Variants in AGBL1 observed in about 807,000 individuals in gnomAD.
AGBL1 encodes AGBL carboxypeptidase 1.
AGBL1 carries 130 observed loss-of-function variants against 118.9 expected under a neutral mutation model. The observed-to-expected ratio is 1.09, with a 90% CI of 0.95 to 1.26. AGBL1 has a LOEUF of 1.26. Among genes scored for constraint, AGBL1 ranks in the 50% most tolerant of loss-of-function variants. The pLI is 0.00. For missense variants in AGBL1, 1,584 were observed against 1,298.1 expected, an observed-to-expected ratio of 1.22 and a Z score of -3.38; for synonymous variants, 555 against 478.9, an observed-to-expected ratio of 1.16 and a Z score of -2.08.
intron 23 of AGBL1, among the ~76,000 whole-genome samples, chr15:86,956,013 G>A (rs948206160): frequency 2.0e-5 from 3 of 152,012 alleles, no homozygotes; most frequent in Non-Finnish European, 4.4e-5. Context: ...TCAAATCTGG[G>A]TAAATAGAGC....
At chr15:86,802,526 C>T (rs190889148) in intron 22 of AGBL1, among the ~76,000 whole-genome samples, 3 of 152,188 alleles carry the variant, frequency 2.0e-5, no homozygotes, top group East Asian at 3.9e-4. Context: ...TATAATTCTA[C>T]CCTCTTTATT....
chr15:86,889,860 A>T (rs1411296216), intron 22 of AGBL1, among the ~76,000 whole-genome samples: 1 of 152,192 alleles, frequency 6.6e-6, no homozygotes, highest in Non-Finnish European at 1.5e-5. Flanking sequence ...GAACATACAT[A>T]TGCATGTATC....
intron 21 of AGBL1, among the ~76,000 whole-genome samples, chr15:86,653,850 T>C (rs2085418606): frequency 6.6e-6 from 1 of 152,118 alleles, no homozygotes; most frequent in Admixed American, 6.6e-5. Flanking sequence ...AGAGACCAAA[T>C]ACAGCACAAC....
At chr15:86,874,367 A>G (rs2079774241) in intron 22 of AGBL1, among the ~76,000 whole-genome samples, 1 of 136,314 alleles carries the variant, frequency 7.3e-6, no homozygotes, top group African/African-American at 2.8e-5. Flanking sequence ...CTGCCCCAAG[A>G]TTGTTGTGGG....
In AGBL1 at chr15:86,079,895, C is replaced by T. The variant is rs1262021940; in HGVS notation, c.-78C>T. 14 of 1,098,582 alleles carry T rather than the reference C, an allele frequency of 1.3e-5. No homozygotes were observed. Among genetic ancestry groups the T allele is most frequent in the African/African-American group, 9.6e-5 (6 of 62,368 alleles). 68.1% of individuals were successfully genotyped at this position (1,098,582 alleles called of 1,614,324 possible). A position where few individuals can be genotyped will look rare whatever the true frequency, so the allele number is the denominator to read the frequency against. On this transcript the variant is annotated 5_prime_UTR_variant, in exon 1 of 23. Coordinates refer to ENST00000614907, the MANE Select transcript of AGBL1 (RefSeq NM_001386094.1). ...CAGTCGTCTCCTGCGAGGCGGGCAGCGAGGTCAGCTTGGCAGCCGCTGCCT... is the reference window on the plus strand; with the variant it reads ...CAGTCGTCTCCTGCGAGGCGGGCAGTGAGGTCAGCTTGGCAGCCGCTGCCT...
At chr15:86,191,558 C>T (rs937501592) in intron 5 of AGBL1, among the ~76,000 whole-genome samples, 5 of 151,582 alleles carry the variant, frequency 3.3e-5, no homozygotes, top group Non-Finnish European at 7.4e-5. Context: ...TATAAGAAGC[C>T]AGGGATGATG....
chr15:86,482,780 A>AT (rs551274055), intron 18 of AGBL1, among the ~76,000 whole-genome samples: 39 of 151,574 alleles, frequency 2.6e-4, no homozygotes, highest in African/African-American at 5.3e-4. Context: ...CATAGATCAG[A>AT]TTTTTTTTTC....
At chr15:86,268,361 C>T (rs28507038) in intron 13 of AGBL1, among the ~76,000 whole-genome samples, 4,623 of 152,190 alleles carry the variant, frequency 0.03, 247 homozygotes, top group African/African-American at 0.11. Context: ...TCCACTTCTT[C>T]CTGTGGCTCC....
chr15:86,571,432 G>A (rs2084004721), intron 21 of AGBL1, among the ~76,000 whole-genome samples: 1 of 152,102 alleles, frequency 6.6e-6, no homozygotes, highest in African/African-American at 2.4e-5. Context: ...AGCTCAGAGG[G>A]CCCACAGTAG....
rs905134737 is a variant in AGBL1, at chr15:86,527,120, C to G, written c.2685+4181C>G. Reference sequence around the variant, plus strand: ...CTGCAGTCTACCCTCTGGAAGCAAGCACATGGCCTGCACAGCAGGTCACAA... The same window carrying G: ...CTGCAGTCTACCCTCTGGAAGCAAGGACATGGCCTGCACAGCAGGTCACAA... On this transcript the variant is annotated intron_variant, in intron 19 of 22. Transcript: ENST00000614907. Among the ~76,000 whole-genome samples, 6 of 152,200 alleles carry G rather than the reference C, an allele frequency of 3.9e-5. No individual in the cohort carries two copies. The East Asian group carries it at 1.2e-3, about 29-fold the overall frequency.
At chr15:86,569,334 G>A (rs2083966547) in intron 21 of AGBL1, among the ~76,000 whole-genome samples, 1 of 151,692 alleles carries the variant, frequency 6.6e-6, no homozygotes, top group Non-Finnish European at 1.5e-5. Context: ...GGTAGGCTGA[G>A]GTTACGGTGA....
chr15:86,679,297 A>G (rs1338118557), intron 22 of AGBL1, among the ~76,000 whole-genome samples: 1 of 152,074 alleles, frequency 6.6e-6, no homozygotes, highest in Non-Finnish European at 1.5e-5. Flanking sequence ...TAGTTCCTGA[A>G]TATATCATCA....
At chr15:86,111,788 A>G (rs193239475) in intron 1 of AGBL1, among the ~76,000 whole-genome samples, 20 of 152,350 alleles carry the variant, frequency 1.3e-4, no homozygotes, top group African/African-American at 4.3e-4. Flanking sequence ...GAACAAGACC[A>G]TGTTAGGAAC....
At chr15:86,917,305 C>T (rs1216029483), downstream of AGBL1, among the ~76,000 whole-genome samples, 4 of 152,206 alleles carry the variant, frequency 2.6e-5, no homozygotes, top group Admixed American at 2.6e-4. The surrounding 1 kb of genome is among the most constrained non-coding windows in gnomAD (Gnocchi z 4.8). Flanking sequence ...CTGGCCTCTG[C>T]CTGGGCCTGG....
At chr15:86,222,279 C>A (rs1005830705) in intron 5 of AGBL1, among the ~76,000 whole-genome samples, 1 of 152,176 alleles carries the variant, frequency 6.6e-6, no homozygotes, top group African/African-American at 2.4e-5. Context: ...TTTCATGTAG[C>A]CTTCTGTTGT....
In AGBL1 at chr15:86,546,220, A is replaced by AGT. The variant is rs545274996; in HGVS notation, c.2817+88_2817+89dup. 1,697 of 1,079,588 alleles carry AGT rather than the reference A, an allele frequency of 1.6e-3. 17 individuals carry two copies. The East Asian group carries it at 0.034, about 21-fold the overall frequency. The allele number at this position is 1,079,588 out of a possible 1,614,324, so 66.9% of individuals were successfully genotyped here. On this transcript the variant is annotated intron_variant, in intron 20 of 22. Transcript: ENST00000614907. Reference sequence around the variant, plus strand: ...AAGACCATGCCCCACTCATTTATTTAGTTTTTTTTTTTTTTTGTAAATAAG... The same window carrying AGT: ...AAGACCATGCCCCACTCATTTATTTAGTGTTTTTTTTTTTTTTTGTAAATAAG...
intron 23 of AGBL1, among the ~76,000 whole-genome samples, chr15:86,954,641 A>T (rs1165382022): frequency 6.6e-6 from 1 of 152,132 alleles, no homozygotes; most frequent in African/African-American, 2.4e-5. Flanking sequence ...GACGCTGTGG[A>T]CTACTAGAAG....
intron 22 of AGBL1, among the ~76,000 whole-genome samples, chr15:86,690,630 T>A (rs896710737): frequency 5.9e-5 from 9 of 151,752 alleles, no homozygotes; most frequent in African/African-American, 2.2e-4. Context: ...CAAAGGAGAG[T>A]AGGTTTTTAT....
intron 13 of AGBL1, among the ~76,000 whole-genome samples, chr15:86,267,388 C>G (rs1181639422): frequency 5.3e-5 from 8 of 152,214 alleles, no homozygotes; most frequent in African/African-American, 1.9e-4. Flanking sequence ...ATAATGGGTC[C>G]ATATTTCGGT....
Sources: allele counts gnomAD v4.1 joint callset (sites outside exome capture counted in the v4.1 genomes callset), GRCh38; gene constraint gnomAD v4.1.1; non-coding constraint Gnocchi (gnomAD v3.1); transcripts MANE v1.5; gene names NCBI Gene and HGNC (gene_info 2026-07-23, HGNC 2026-07-21).